The following FBXL13 variants were observed in gnomAD, a reference collection of about 807,000 sequenced individuals.
The protein encoded by FBXL13 is F-box and leucine-rich repeat protein 13.
Under a neutral mutation model 83.6 loss-of-function variants are expected in FBXL13, and 67 were observed. The ratio of observed to expected loss-of-function variants is 0.80; its 90% CI spans 0.66 to 0.98. The LOEUF is 0.98. FBXL13 is among the 50% of genes least tolerant of loss of function. FBXL13 has a pLI of 0.00. For synonymous variants in FBXL13, 272 were observed against 299.5 expected (o/e 0.91, Z 0.95); for missense variants, 822 against 866.5 (o/e 0.95, Z 0.64).
chr7:102,970,907 T>C (rs1468048380), intron 6 of FBXL13, among the ~76,000 whole-genome samples: 2 of 151,624 alleles, frequency 1.3e-5, no homozygotes, highest in South Asian at 4.2e-4. Context: ...TGTAGAGAAA[T>C]AAAGAGATGA....
At chr7:102,925,654 G>T (rs540475319) in intron 10 of FBXL13, among the ~76,000 whole-genome samples, 1 of 151,940 alleles carries the variant, frequency 6.6e-6, no homozygotes, top group African/African-American at 2.4e-5. Flanking sequence ...CTATTATAAA[G>T]AGGTCCGCTG....
chr7:102,960,602 C>G (rs1052860444), intron 8 of FBXL13, among the ~76,000 whole-genome samples: 2 of 151,772 alleles, frequency 1.3e-5, no homozygotes, highest in Non-Finnish European at 2.9e-5. Flanking sequence ...ACTGGCAAAA[C>G]GAATCCAGCA....
chr7:102,938,457 A>G (rs1451447582), intron 8 of FBXL13, among the ~76,000 whole-genome samples: 1 of 152,198 alleles, frequency 6.6e-6, no homozygotes, highest in Non-Finnish European at 1.5e-5. Context: ...CTAAATGGGG[A>G]AATTACCTGG....
intron 6 of FBXL13, among the ~76,000 whole-genome samples, chr7:103,002,621 T>G (rs1446530784): frequency 6.6e-6 from 1 of 152,244 alleles, no homozygotes; most frequent in Non-Finnish European, 1.5e-5. Context: ...TTTAAGCTTT[T>G]GTTTGCCTGG....
chr7:102,815,622 G>T (rs1278319190), intron 19 of FBXL13, among the ~76,000 whole-genome samples: 2 of 151,242 alleles, frequency 1.3e-5, no homozygotes, highest in Admixed American at 1.3e-4. Flanking sequence ...CACAGTTAGA[G>T]GCAACAATGA....
chr7:103,020,262 C>G (rs1184676938), intron 6 of FBXL13, among the ~76,000 whole-genome samples: 1 of 152,138 alleles, frequency 6.6e-6, no homozygotes. Context: ...AGGCCTTTGA[C>G]AAAATTCAAC....
intron 17 of FBXL13, among the ~76,000 whole-genome samples, chr7:102,851,589 C>A (rs1328621409): frequency 1.3e-5 from 2 of 150,360 alleles, no homozygotes; most frequent in South Asian, 4.2e-4. Context: ...TTCTTTCTCT[C>A]TCTCTTTCTA....
intron 2 of FBXL13, among the ~76,000 whole-genome samples, chr7:103,037,551 T>G (rs1392668454): frequency 6.6e-6 from 1 of 152,114 alleles, no homozygotes; most frequent in African/African-American, 2.4e-5. Context: ...ACGCCTATAA[T>G]CCTAGCACTT....
rs557121616 is a variant in FBXL13 at position 102,912,193 on chromosome 7, T to C, written c.1008+893A>G. Among the ~76,000 whole-genome samples the C allele has an allele frequency of 4.6e-5, 7 of 152,318 alleles. No individual in the cohort carries two copies. The South Asian group carries it at 1.2e-3, about 27-fold the overall frequency. ...TGGTCTCTTCATTTGTAAATAAGCA[T>C]AGTAAATACATACCACCACAGCACT... is the stretch of plus-strand genomic sequence containing the variant. On this transcript the variant is annotated intron_variant, in intron 11 of 19. Coordinates refer to ENST00000313221, the Ensembl canonical transcript of FBXL13.
chr7:102,841,758 A>C (rs897238634), intron 17 of FBXL13, among the ~76,000 whole-genome samples: 2 of 152,188 alleles, frequency 1.3e-5, no homozygotes, highest in African/African-American at 4.8e-5. Context: ...TATCTTGGCA[A>C]GAGTTTATCT....
chr7:102,833,515 C>A (rs1392799850), intron 17 of FBXL13, among the ~76,000 whole-genome samples: 2 of 151,170 alleles, frequency 1.3e-5, no homozygotes, highest in African/African-American at 2.4e-5. Flanking sequence ...TCACTGCAAC[C>A]TCTGTCTGCC....
intron 1 of FBXL13, among the ~76,000 whole-genome samples, chr7:103,057,930 C>T (rs545698944): frequency 2.0e-5 from 3 of 152,216 alleles, no homozygotes; most frequent in Admixed American, 2.0e-4. Context: ...TTCAGACCCA[C>T]TCCTGCTGGC....
intron 17 of FBXL13, among the ~76,000 whole-genome samples, chr7:102,844,206 C>T (rs1488384132): frequency 6.6e-6 from 1 of 152,150 alleles, no homozygotes; most frequent in Non-Finnish European, 1.5e-5. Context: ...TAATTAACTT[C>T]AGAGTCATTT....
At chr7:102,978,788 T>A (rs1391774393) in intron 6 of FBXL13, 1 of 152,914 alleles carries the variant, frequency 6.5e-6, no homozygotes, top group African/African-American at 2.4e-5. Flanking sequence ...GGTGACTACA[T>A]AATAATTAAA....
intron 14 of FBXL13, 73 bp from the exon 16 acceptor site, chr7:102,878,523 T>C: frequency 1.0e-6 from 1 of 984,942 alleles, no homozygotes; most frequent in Non-Finnish European, 1.4e-6. Flanking sequence ...AAGTAATAGC[T>C]ACCATACCCA....
intron 6 of FBXL13, among the ~76,000 whole-genome samples, chr7:103,010,519 G>A (rs893952939): frequency 1.1e-4 from 16 of 152,032 alleles, no homozygotes; most frequent in Admixed American, 3.9e-4. Flanking sequence ...ACCCACTAGA[G>A]CTTCCAACCC....
rs75059596 is a variant in FBXL13 at position 102,944,878 on chromosome 7, C to T, written c.725-12945G>A. On this transcript the variant is annotated intron_variant, in intron 8 of 19. Transcript: ENST00000313221. ...GTTGGGTCCTAATGATGGCATTAGA[C>T]TTTCATAATGTCCTGTATAAATGTT... The T allele has an allele frequency of 1.2e-3, 408 of 334,168 alleles. 7 individuals carry two copies. In the East Asian group the frequency reaches 0.021, roughly 17 times the overall value. The allele number at this position is 334,168 out of a possible 1,614,324, so 20.7% of individuals were successfully genotyped here. A position where few individuals can be genotyped will look rare whatever the true frequency, so the allele number is the denominator to read the frequency against.
At chr7:102,895,399 TC>T (rs1812132520) in intron 11 of FBXL13, among the ~76,000 whole-genome samples, 1 of 152,078 alleles carries the variant, frequency 6.6e-6, no homozygotes, top group African/African-American at 2.4e-5. Flanking sequence ...TATGGCAAGC[TC>T]CCCTACTGTC....
chr7:103,046,180 A>G (rs1796254144), intron 2 of FBXL13, among the ~76,000 whole-genome samples: 1 of 152,116 alleles, frequency 6.6e-6, no homozygotes, highest in Non-Finnish European at 1.5e-5. Context: ...ATCATCTACA[A>G]CTGAATTTTT....
Sources: allele counts gnomAD v4.1 joint callset (sites outside exome capture counted in the v4.1 genomes callset), GRCh38; gene constraint gnomAD v4.1.1; transcripts MANE v1.5; gene names NCBI Gene and HGNC (gene_info 2026-07-23, HGNC 2026-07-21).